Variants in EIF4EBP1 observed in about 807,000 individuals in gnomAD.
EIF4EBP1 encodes the protein eukaryotic translation initiation factor 4E binding protein 1, also known as eukaryotic translation initiation factor 4E-binding protein 1.
EIF4EBP1 carries 5 observed loss-of-function variants against 9.2 expected under a neutral mutation model. The ratio of observed to expected loss-of-function variants is 0.54; its 90% confidence interval spans 0.28 to 1.14. The LOEUF is 1.14. Among genes scored for constraint, EIF4EBP1 ranks in the 50% most tolerant of loss-of-function variants. The probability of loss-of-function intolerance (pLI) is 0.09; values close to 1 mark genes in which losing one functional copy is unlikely to be tolerated. For synonymous variants in EIF4EBP1, 62 were observed against 67.0 expected, an observed-to-expected ratio of 0.93 and a Z score of 0.36; for missense variants, 139 against 169.6, an observed-to-expected ratio of 0.82 and a Z score of 1.00.
chr8:38,057,973 T>C (rs1809620666), intron 2 of EIF4EBP1, among the ~76,000 whole-genome samples: 1 of 152,110 alleles, frequency 6.6e-6, no homozygotes, highest in South Asian at 2.1e-4. Context: ...TATAATCAGA[T>C]TGGAACCCGC....
intron 1 of EIF4EBP1, among the ~76,000 whole-genome samples, chr8:38,048,790 CAT>C (rs1490712381): frequency 4.6e-5 from 7 of 151,512 alleles, no homozygotes; most frequent in African/African-American, 1.7e-4. Context: ...GCCTGGGTAA[CAT>C]AGCGAGACCC....
intron 1 of EIF4EBP1, among the ~76,000 whole-genome samples, chr8:38,035,341 C>T (rs1377625585): frequency 2.0e-5 from 3 of 151,980 alleles, no homozygotes; most frequent in African/African-American, 7.3e-5. Context: ...CCTCAGCCTC[C>T]CAAGTAGCTG....
intron 1 of EIF4EBP1, among the ~76,000 whole-genome samples, chr8:38,048,539 T>C (rs1044278165): frequency 3.9e-5 from 6 of 152,218 alleles, no homozygotes; most frequent in African/African-American, 1.2e-4. Context: ...TGCCCATTTT[T>C]TCCCTCTCTC....
At chr8:38,056,153 C>G (rs551390103) in intron 1 of EIF4EBP1, among the ~76,000 whole-genome samples, 1 of 151,792 alleles carries the variant, frequency 6.6e-6, no homozygotes, top group East Asian at 1.9e-4. Context: ...CCATCATGCC[C>G]GACTCATTTT....
At chr8:38,052,999 A>G (rs942416404) in intron 1 of EIF4EBP1, among the ~76,000 whole-genome samples, 1 of 152,080 alleles carries the variant, frequency 6.6e-6, no homozygotes, top group African/African-American at 2.4e-5. Context: ...TTTTTCTTTC[A>G]CTTTTAAGTA....
intron 1 of EIF4EBP1, among the ~76,000 whole-genome samples, chr8:38,040,991 G>T (rs762850382): frequency 6.6e-6 from 1 of 152,118 alleles, no homozygotes; most frequent in African/African-American, 2.4e-5. Context: ...GTAGAGACAG[G>T]GTTTTACCAT....
At chr8:38,057,856 G>A (rs2130402714) in intron 2 of EIF4EBP1, among the ~76,000 whole-genome samples, 1 of 152,334 alleles carries the variant, frequency 6.6e-6, no homozygotes, top group South Asian at 2.1e-4. Flanking sequence ...AGCAGCCACT[G>A]TGGTAGTGGT....
In EIF4EBP1 at chr8:38,057,126, A is replaced by G. The variant is rs372365100; in HGVS notation, c.191A>G (p.Asn64Ser). ...YDRKFLMECRNSPVTKTPPRD... is the reference protein window; with the variant it reads ...YDRKFLMECRSSPVTKTPPRD... ...CGGAAATTCCTGATGGAGTGTCGGA[A>G]CTCACCTGTGACCAAAACACCCCCA... Residue 64 changes from asparagine to serine, a missense_variant, in exon 2 of 3, where the codon AAC (asparagine) becomes AGC (serine). Physicochemically the swap from Asn to Ser is conservative, Grantham distance 46. Transcript: ENST00000338825. 1.9e-6 allele frequency: 3 copies of G among 1,614,022 alleles called. No individual in the cohort carries two copies. In the African/African-American group the frequency reaches 4.0e-5, roughly 22 times the overall value.
chr8:38,041,336 C>T (rs1333995406), intron 1 of EIF4EBP1, among the ~76,000 whole-genome samples: 1 of 152,202 alleles, frequency 6.6e-6, no homozygotes, highest in Non-Finnish European at 1.5e-5. Context: ...CTTCTAACCT[C>T]AGGCGATCTG....
In EIF4EBP1 at chr8:38,057,250, G is replaced by T; in HGVS notation, c.315G>T (p.Lys105Asn). ...QSHLRNSPED[K>N]RAGGEESQFE... ...ACCTGCGCAATAGCCCAGAAGATAA[G>T]CGGGCGGGCGGTGAGTGTCGGGGCT... The change falls in exon 2 of 3, where the codon AAG becomes AAT. Residue 105 changes from lysine to asparagine, a missense_variant. By Grantham distance (94) the Lys-to-Asn change is moderately conservative. Transcript: ENST00000338825. 1 of 1,609,250 alleles carries T rather than the reference G, an allele frequency of 6.2e-7. No individual in the cohort carries two copies. Among genetic ancestry groups the T allele is most frequent in the Non-Finnish European group, 8.5e-7 (1 of 1,177,030 alleles).
At chr8:38,055,202 C>T (rs1288330929) in intron 1 of EIF4EBP1, among the ~76,000 whole-genome samples, 1 of 152,152 alleles carries the variant, frequency 6.6e-6, no homozygotes, top group Non-Finnish European at 1.5e-5. Context: ...CAGCACAGAG[C>T]CCCGTTTCAG....
At chr8:38,035,997 G>A (rs1031330956) in intron 1 of EIF4EBP1, among the ~76,000 whole-genome samples, 2 of 149,498 alleles carry the variant, frequency 1.3e-5, no homozygotes, top group East Asian at 2.0e-4. Context: ...ATGAGTCACC[G>A]CGCCCGGCCT....
chr8:38,034,825 G>C (rs1809276724), intron 1 of EIF4EBP1, among the ~76,000 whole-genome samples: 1 of 152,218 alleles, frequency 6.6e-6, no homozygotes. Flanking sequence ...CAAAGCCAGA[G>C]CACAGCCCAT....
chr8:38,051,094 G>A (rs1311734089), intron 1 of EIF4EBP1, among the ~76,000 whole-genome samples: 1 of 152,106 alleles, frequency 6.6e-6, no homozygotes, highest in Non-Finnish European at 1.5e-5. Flanking sequence ...GCTAGATGCT[G>A]GTAAGAACCT....
intron 1 of EIF4EBP1, among the ~76,000 whole-genome samples, chr8:38,052,121 C>A (rs1264699034): frequency 6.6e-6 from 1 of 152,212 alleles, no homozygotes; most frequent in African/African-American, 2.4e-5. Context: ...TTCTGTCAGA[C>A]CACACCTGAC....
intron 1 of EIF4EBP1, among the ~76,000 whole-genome samples, chr8:38,035,953 C>T (rs540786236): frequency 3.1e-4 from 47 of 151,566 alleles, no homozygotes; most frequent in South Asian, 1.7e-3. Flanking sequence ...GTGATCCGCC[C>T]GCCTCAGCCT....
chr8:38,059,812 C>A, intron 2 of EIF4EBP1, 92 bp from the exon 3 acceptor site: 1 of 1,192,220 alleles, frequency 8.4e-7, no homozygotes, highest in Non-Finnish European at 1.2e-6. Flanking sequence ...ATTACCCAAC[C>A]TCAGGTATTT....
chr8:38,044,634 C>T (rs1156439625), intron 1 of EIF4EBP1, among the ~76,000 whole-genome samples: 1 of 152,146 alleles, frequency 6.6e-6, no homozygotes, highest in Non-Finnish European at 1.5e-5. Flanking sequence ...AGATGGGGGT[C>T]TCACTGTGTT....
At chr8:38,038,676 G>T (rs1300478640) in intron 1 of EIF4EBP1, among the ~76,000 whole-genome samples, 2 of 150,874 alleles carry the variant, frequency 1.3e-5, no homozygotes. Flanking sequence ...CCTAGAAATT[G>T]TACATTGAAT....
Sources: gnomAD v4.1 joint callset for allele counts (sites outside exome capture counted in the v4.1 genomes callset) on GRCh38, gnomAD v4.1.1 for gene constraint, MANE v1.5 for transcripts, NCBI Gene and HGNC (gene_info 2026-07-23, HGNC 2026-07-21) for gene names.